The following FILIP1L variants were observed in gnomAD, a reference collection of about 807,000 sequenced individuals.
The protein encoded by FILIP1L is filamin A-interacting protein 1-like.
Under a neutral mutation model 96.6 loss-of-function variants are expected in FILIP1L, and 55 were observed. That is an observed-to-expected ratio of 0.57 (90% CI 0.46 to 0.71). The LOEUF is 0.71. FILIP1L is among the 30% of genes least tolerant of loss of function. FILIP1L has a pLI of 0.00. For missense variants in FILIP1L, 1,304 were observed against 1,321.2 expected (o/e 0.99, Z 0.20); for synonymous variants, 467 against 473.9 (o/e 0.99, Z 0.19).
At chr3:99,913,333 G>T (rs2107641683) in intron 4 of FILIP1L, among the ~76,000 whole-genome samples, 1 of 152,292 alleles carries the variant, frequency 6.6e-6, no homozygotes, top group South Asian at 2.1e-4. Flanking sequence ...GCATATGAGG[G>T]TTCCAGTTTC....
chr3:99,956,627 G>A (rs759908961), intron 1 of FILIP1L, among the ~76,000 whole-genome samples: 3 of 152,312 alleles, frequency 2.0e-5, no homozygotes, highest in Non-Finnish European at 4.4e-5. Context: ...GATTAAAGGC[G>A]TGAGCCCCCG....
At chr3:99,910,200 G>A (rs1296090226) in intron 4 of FILIP1L, among the ~76,000 whole-genome samples, 1 of 135,988 alleles carries the variant, frequency 7.4e-6, no homozygotes, top group Non-Finnish European at 1.7e-5. Context: ...AACCTGTATG[G>A]ATTTCAAAGG....
chr3:99,946,407 T>G (rs1329312649), intron 1 of FILIP1L, among the ~76,000 whole-genome samples: 1 of 152,224 alleles, frequency 6.6e-6, no homozygotes, highest in Non-Finnish European at 1.5e-5. Context: ...GTAAGCAGTA[T>G]CCAAAGGTCT....
intron 1 of FILIP1L, among the ~76,000 whole-genome samples, chr3:100,078,401 A>G (rs756709424): frequency 5.3e-5 from 8 of 152,190 alleles, no homozygotes; most frequent in Non-Finnish European, 1.2e-4. Context: ...AATATAAAAC[A>G]TAATGGTTGT....
intron 1 of FILIP1L, among the ~76,000 whole-genome samples, chr3:99,981,449 C>G (rs1279492394): frequency 1.3e-5 from 2 of 152,122 alleles, no homozygotes; most frequent in African/African-American, 2.4e-5. Context: ...GTTTCTCTGG[C>G]CACTCTTATT....
chr3:100,021,115 A>T (rs1364047037), intron 1 of FILIP1L, among the ~76,000 whole-genome samples: 1 of 152,218 alleles, frequency 6.6e-6, no homozygotes, highest in East Asian at 1.9e-4. Context: ...AAGGCCGGTC[A>T]ATTGCCTAAG....
intron 1 of FILIP1L, among the ~76,000 whole-genome samples, chr3:100,062,613 A>C (rs1278286440): frequency 6.6e-6 from 1 of 152,228 alleles, no homozygotes; most frequent in Non-Finnish European, 1.5e-5. Context: ...TTAGAGCTAC[A>C]TCACCTCTGC....
chr3:100,020,760 C>CTTT (rs34665880), intron 1 of FILIP1L, among the ~76,000 whole-genome samples: 1,735 of 71,064 alleles, frequency 0.024, 40 homozygotes, highest in East Asian at 0.039. Context: ...GAATAATTAG[C>CTTT]TTTTTTTTTT....
At chr3:99,951,534 G>C (rs1312512159) in intron 1 of FILIP1L, among the ~76,000 whole-genome samples, 2 of 152,150 alleles carry the variant, frequency 1.3e-5, no homozygotes, top group Non-Finnish European at 2.9e-5. Context: ...ACCTAGTAGA[G>C]CTCATGTATT....
chr3:99,978,661 A>T (rs1478054155), intron 1 of FILIP1L, among the ~76,000 whole-genome samples: 4 of 152,176 alleles, frequency 2.6e-5, no homozygotes, highest in Non-Finnish European at 5.9e-5. Context: ...TTGGGTGTCC[A>T]AGGTGGGTGA....
chr3:99,843,217 C>T (rs1943211124), intron 5 of FILIP1L, among the ~76,000 whole-genome samples: 1 of 152,140 alleles, frequency 6.6e-6, no homozygotes, highest in Non-Finnish European at 1.5e-5. Context: ...AGAAATGCTA[C>T]AGATTTAAGT....
At chr3:99,967,612 C>T (rs551290868) in intron 1 of FILIP1L, among the ~76,000 whole-genome samples, 6 of 152,278 alleles carry the variant, frequency 3.9e-5, no homozygotes, top group Admixed American at 2.0e-4. Context: ...TGGTCTCTCA[C>T]GACACATGCA....
intron 1 of FILIP1L, among the ~76,000 whole-genome samples, chr3:99,952,755 T>C (rs1442538891): frequency 6.6e-6 from 1 of 152,184 alleles, no homozygotes; most frequent in African/African-American, 2.4e-5. Flanking sequence ...CAGAAACAGT[T>C]ATTATTAAAT....
intron 1 of FILIP1L, among the ~76,000 whole-genome samples, chr3:99,963,235 G>C (rs1156340431): frequency 1.3e-5 from 2 of 152,226 alleles, no homozygotes; most frequent in Non-Finnish European, 2.9e-5. Flanking sequence ...CCCCAGAATA[G>C]TGTGTGGTTT....
intron 4 of FILIP1L, among the ~76,000 whole-genome samples, chr3:99,919,236 A>G (rs1425162126): frequency 1.3e-5 from 2 of 151,950 alleles, no homozygotes; most frequent in African/African-American, 4.8e-5. Context: ...CTTCATGAGC[A>G]TTAATGTTAT....
rs71907944 is a variant in FILIP1L, at chr3:100,062,093, C to CTTTTTTTTTTTTTTTTTTTTTT, written c.-11+51938_-11+51959dup. Reference sequence around the variant, plus strand: ...CCACTTGTGGTTATCCTGTCTTCTTCTTTTTTTTTTTTTTTTTTTTTTTTT... The same window carrying CTTTTTTTTTTTTTTTTTTTTTT: ...CCACTTGTGGTTATCCTGTCTTCTTCTTTTTTTTTTTTTTTTTTTTTTTTTTTTTTTTTTTTTTTTTTTTTTT... On this transcript the variant is annotated intron_variant, in intron 1 of 5. Transcript: ENST00000477258. Among the ~76,000 whole-genome samples, 5 of 53,154 alleles carry CTTTTTTTTTTTTTTTTTTTTTT rather than the reference C, an allele frequency of 9.4e-5. 1 individual carries two copies. Among genetic ancestry groups the CTTTTTTTTTTTTTTTTTTTTTT allele is most frequent in the Non-Finnish European group, 1.4e-4 (4 of 29,474 alleles). The allele number at this position is 53,154 out of a possible 152,430, so 34.9% of individuals were successfully genotyped here. A position where few individuals can be genotyped will look rare whatever the true frequency, so the allele number is the denominator to read the frequency against.
intron 1 of FILIP1L, among the ~76,000 whole-genome samples, chr3:100,070,227 A>G (rs2065738148): frequency 6.6e-6 from 1 of 152,196 alleles, no homozygotes; most frequent in Non-Finnish European, 1.5e-5. Flanking sequence ...TTAGATAGTT[A>G]ATTGAAGTTA....
chr3:99,894,188 A>G (rs181902104), intron 4 of FILIP1L, among the ~76,000 whole-genome samples: 72 of 152,346 alleles, frequency 4.7e-4, no homozygotes, highest in African/African-American at 1.6e-3. Context: ...AGAAAAGGAG[A>G]TAGGATGGTT....
intron 4 of FILIP1L, among the ~76,000 whole-genome samples, chr3:99,911,682 C>A (rs906481303): frequency 6.6e-6 from 1 of 152,168 alleles, no homozygotes; most frequent in African/African-American, 2.4e-5. Flanking sequence ...CCTTCACATT[C>A]GCTCCCTGCA....
Sources: allele counts gnomAD v4.1 joint callset (sites outside exome capture counted in the v4.1 genomes callset), GRCh38; gene constraint gnomAD v4.1.1; transcripts MANE v1.5; gene names NCBI Gene and HGNC (gene_info 2026-07-23, HGNC 2026-07-21).